NSG2: variants seen among roughly 807,000 people sequenced by gnomAD.
The protein encoded by NSG2 is neuronal vesicle trafficking associated 2, also known as neuronal vesicle trafficking-associated protein 2.
A neutral mutation model predicts 16.9 loss-of-function variants in NSG2; 4 were observed. The observed-to-expected ratio is 0.24, with a 90% CI of 0.12 to 0.54. NSG2 has a LOEUF of 0.54. Ranked by LOEUF, NSG2 falls within the 20% of genes least tolerant of loss-of-function variation. The pLI, the probability that NSG2 is intolerant of heterozygous loss-of-function variation, is 0.95. For missense variants in NSG2, 179 were observed against 221.1 expected, an observed-to-expected ratio of 0.81 and a Z score of 1.21; for synonymous variants, 98 against 88.7, an observed-to-expected ratio of 1.11 and a Z score of -0.59.
chr5:174,047,340 A>G (rs960622529), intron 2 of NSG2, among the ~76,000 whole-genome samples: 14 of 152,224 alleles, frequency 9.2e-5, no homozygotes, highest in African/African-American at 2.9e-4. Flanking sequence ...AAAATTACAA[A>G]ATCCTTTTCT....
chr5:174,105,274 T>C (rs1429983002), intron 4 of NSG2, among the ~76,000 whole-genome samples: 1 of 152,204 alleles, frequency 6.6e-6, no homozygotes, highest in Non-Finnish European at 1.5e-5. Flanking sequence ...TGAAAATGTG[T>C]ATACTTCGGT....
In NSG2 at chr5:174,107,299, CTCTT is replaced by C. The variant is rs759016046; in HGVS notation, c.325-10_325-7del. 1 of 1,535,178 alleles carries C rather than the reference CTCTT, an allele frequency of 6.5e-7. No homozygotes were observed. The highest frequency in any genetic ancestry group is 8.8e-7 in the Non-Finnish European group (1 of 1,136,096). ...TTTGCTGAATGACCCCTGACTCTGT[CTCTT>C]TCTTCCCCAGCACAAACGCTGTATC... On this transcript the variant is annotated splice_polypyrimidine_tract_variant and intron_variant, in intron 4 of 4. Transcript: ENST00000303177. This position sits in a 1 kb window ranked among gnomAD's most constrained non-coding sequence, Gnocchi z 4.5.
At chr5:174,070,174 A>C (rs888261873) in intron 3 of NSG2, among the ~76,000 whole-genome samples, 1 of 152,130 alleles carries the variant, frequency 6.6e-6, no homozygotes, top group Non-Finnish European at 1.5e-5. Context: ...GGTGTGAGCC[A>C]TCATGCCCCG....
At chr5:174,093,507 T>G (rs1760751272) in intron 3 of NSG2, among the ~76,000 whole-genome samples, 1 of 152,194 alleles carries the variant, frequency 6.6e-6, no homozygotes, top group South Asian at 2.1e-4. Context: ...AGGCTCTGCT[T>G]CATTCACTAC....
chr5:174,094,939 A>G (rs946446503), intron 3 of NSG2, among the ~76,000 whole-genome samples: 1 of 152,224 alleles, frequency 6.6e-6, no homozygotes, highest in African/African-American at 2.4e-5. Flanking sequence ...CCCTGTCCAC[A>G]TGACACACGC....
chr5:174,074,106 C>T (rs1365206711), intron 3 of NSG2, among the ~76,000 whole-genome samples: 1 of 152,162 alleles, frequency 6.6e-6, no homozygotes, highest in Admixed American at 6.5e-5. Context: ...GGTCTCTCAG[C>T]ACACCACTGT....
chr5:174,073,876 T>C (rs755521649), intron 3 of NSG2, among the ~76,000 whole-genome samples: 6 of 152,176 alleles, frequency 3.9e-5, no homozygotes, highest in African/African-American at 7.2e-5. Context: ...ATAAACATAG[T>C]GTAGAAGAAG....
At chr5:174,084,270 G>C (rs1315031276) in intron 3 of NSG2, 1 of 152,246 alleles carries the variant, frequency 6.6e-6, no homozygotes, top group Non-Finnish European at 1.5e-5. Flanking sequence ...CGTGGAGCCT[G>C]TCAGTTGCCA....
chr5:174,089,502 T>C (rs971904216), intron 3 of NSG2, among the ~76,000 whole-genome samples: 1 of 151,398 alleles, frequency 6.6e-6, no homozygotes. Context: ...CGTCTTACTC[T>C]TCCTGCACAG....
chr5:174,102,324 A>T (rs1015697329), intron 3 of NSG2, among the ~76,000 whole-genome samples: 1 of 152,154 alleles, frequency 6.6e-6, no homozygotes, highest in Admixed American at 6.5e-5. Context: ...CCTTATAAAC[A>T]TGCCCTGGGG....
intron 3 of NSG2, among the ~76,000 whole-genome samples, chr5:174,096,436 G>A (rs1234656519): frequency 1.3e-5 from 2 of 152,144 alleles, no homozygotes; most frequent in African/African-American, 4.8e-5. Flanking sequence ...GATCATGGGG[G>A]TGGGGAAAAC....
At chr5:174,097,019 T>C (rs1760807862) in intron 3 of NSG2, among the ~76,000 whole-genome samples, 1 of 152,178 alleles carries the variant, frequency 6.6e-6, no homozygotes, top group South Asian at 2.1e-4. Context: ...ATGGGGATAA[T>C]AATTCTACTT....
At chr5:174,088,727 C>T (rs747614435) in intron 3 of NSG2, among the ~76,000 whole-genome samples, 18 of 152,182 alleles carry the variant, frequency 1.2e-4, no homozygotes, top group Non-Finnish European at 2.1e-4. Context: ...TTCATTTCCT[C>T]CTTACATCCG....
chr5:174,068,174 T>C (rs1270561855), intron 3 of NSG2, among the ~76,000 whole-genome samples: 3 of 152,146 alleles, frequency 2.0e-5, no homozygotes, highest in African/African-American at 7.2e-5. Context: ...CCTTCATGGA[T>C]CTGGGACAGC....
At chr5:174,068,873 T>C (rs1760188889) in intron 3 of NSG2, among the ~76,000 whole-genome samples, 1 of 148,736 alleles carries the variant, frequency 6.7e-6, no homozygotes, top group Non-Finnish European at 1.5e-5. Flanking sequence ...TGGAAGGTGC[T>C]GGTGTCGTGG....
At chr5:174,054,884 C>A (rs1201497487) in intron 2 of NSG2, among the ~76,000 whole-genome samples, 1 of 152,188 alleles carries the variant, frequency 6.6e-6, no homozygotes, top group Non-Finnish European at 1.5e-5. Flanking sequence ...AGTTTATTAA[C>A]CACTTTGACC....
At chr5:174,070,956 C>G (rs1163084983) in intron 3 of NSG2, among the ~76,000 whole-genome samples, 1 of 152,162 alleles carries the variant, frequency 6.6e-6, no homozygotes, top group Non-Finnish European at 1.5e-5. Context: ...CAGGAGCATC[C>G]CTGACCCCAC....
At chr5:174,062,159 G>A (rs1760063771) in intron 2 of NSG2, among the ~76,000 whole-genome samples, 1 of 152,170 alleles carries the variant, frequency 6.6e-6, no homozygotes, top group Non-Finnish European at 1.5e-5. Context: ...ACAATCCAAC[G>A]AGGTGGTCAT....
chr5:174,050,619 T>C (rs988280154), intron 2 of NSG2, among the ~76,000 whole-genome samples: 4 of 152,162 alleles, frequency 2.6e-5, no homozygotes, highest in Admixed American at 2.0e-4. Flanking sequence ...CTGCCTTCAG[T>C]AAGAAGTCTC....
Sources: allele counts gnomAD v4.1 joint callset (sites outside exome capture counted in the v4.1 genomes callset), GRCh38; gene constraint gnomAD v4.1.1; non-coding constraint Gnocchi (gnomAD v3.1); transcripts MANE v1.5; gene names NCBI Gene and HGNC (gene_info 2026-07-23, HGNC 2026-07-21).